Variants in EIF3H observed in about 807,000 individuals in gnomAD.
EIF3H encodes eukaryotic translation initiation factor 3 subunit H, also known as eIF-3-gamma.
EIF3H carries 26 observed loss-of-function variants against 44.2 expected under a neutral mutation model. The observed-to-expected ratio is 0.59, with a 90% CI of 0.43 to 0.82. The LOEUF (loss-of-function observed/expected upper bound fraction) is 0.82. Ranked by LOEUF, EIF3H falls within the 40% of genes least tolerant of loss-of-function variation. EIF3H has a pLI of 0.00. For synonymous variants in EIF3H, 166 were observed against 151.9 expected, an observed-to-expected ratio of 1.09 and a Z score of -0.68; for missense variants, 359 against 432.8, an observed-to-expected ratio of 0.83 and a Z score of 1.51.
In EIF3H at chr8:116,755,590, TAGAA is replaced by T. The variant is rs531297043; in HGVS notation, c.132+72_132+75del. On this transcript the variant is annotated intron_variant, in intron 1 of 7. Coordinates refer to ENST00000521861, the MANE Select transcript of EIF3H (RefSeq NM_003756.3). The stretch of plus-strand genomic sequence containing the variant: ...ACACCAAGCCCAAGGGGGAGAATGC[TAGAA>T]AGTACGTCTGGTGGGACGGGGCTGG... 266 of 1,594,682 alleles carry T rather than the reference TAGAA, an allele frequency of 1.7e-4. No individual in the cohort carries two copies. In the East Asian group the frequency reaches 5.7e-3, roughly 34 times the overall value.
chr8:116,734,473 G>A (rs1246579476), intron 1 of EIF3H: 2 of 440,538 alleles, frequency 4.5e-6, no homozygotes, highest in South Asian at 1.6e-5. Flanking sequence ...GCCTCTAGAT[G>A]GATAAGCACT....
At chr8:116,751,914 GA>G (rs1815350674) in intron 1 of EIF3H, among the ~76,000 whole-genome samples, 1 of 152,144 alleles carries the variant, frequency 6.6e-6, no homozygotes, top group African/African-American at 2.4e-5. Flanking sequence ...TCAGAGCTGG[GA>G]TTCAAATCCA....
chr8:116,677,235 AGAT>A (rs1178991747), intron 2 of EIF3H, among the ~76,000 whole-genome samples: 6 of 152,246 alleles, frequency 3.9e-5, no homozygotes, highest in African/African-American at 1.4e-4. Flanking sequence ...ATAATATGTT[AGAT>A]GATGTTTAAA....
intron 1 of EIF3H, among the ~76,000 whole-genome samples, chr8:116,732,492 G>T (rs764364620): frequency 1.3e-5 from 2 of 152,086 alleles, no homozygotes; most frequent in Non-Finnish European, 2.9e-5. Context: ...TCCATGACAG[G>T]GAACAGTTCA....
intron 2 of EIF3H, among the ~76,000 whole-genome samples, chr8:116,713,194 T>A (rs1190060446): frequency 2.6e-5 from 4 of 152,098 alleles, no homozygotes; most frequent in Non-Finnish European, 4.4e-5. Flanking sequence ...TGGGGAAACT[T>A]AGGAATTTTA....
intron 1 of EIF3H, among the ~76,000 whole-genome samples, chr8:116,727,604 G>T (rs1307669031): frequency 6.6e-6 from 1 of 152,188 alleles, no homozygotes; most frequent in East Asian, 1.9e-4. Flanking sequence ...GGGTTTGACT[G>T]TCCTGAGTGT....
intron 1 of EIF3H, among the ~76,000 whole-genome samples, chr8:116,755,464 C>T (rs1466218534): frequency 6.6e-6 from 1 of 152,190 alleles, no homozygotes; most frequent in Non-Finnish European, 1.5e-5. Context: ...CTTCCTGAAG[C>T]CCCAACTGTC....
intron 2 of EIF3H, among the ~76,000 whole-genome samples, chr8:116,724,351 C>CA (rs1166296764): frequency 3.3e-5 from 5 of 151,922 alleles, no homozygotes; most frequent in Non-Finnish European, 1.5e-5. Flanking sequence ...AACTTCCTAC[C>CA]AAAAAACAGA....
At chr8:116,739,089 T>G (rs1815087590) in intron 1 of EIF3H, among the ~76,000 whole-genome samples, 1 of 152,196 alleles carries the variant, frequency 6.6e-6, no homozygotes. Flanking sequence ...GTCAGTTTAC[T>G]GGAATAAGAG....
At chr8:116,764,281 A>C (rs766372895) in intron 1 of EIF3H, among the ~76,000 whole-genome samples, 20 of 152,244 alleles carry the variant, frequency 1.3e-4, no homozygotes, top group Non-Finnish European at 2.1e-4. Context: ...CATAACTTTC[A>C]AAATAAAATT....
At chr8:116,721,373 C>A (rs529469323) in intron 2 of EIF3H, among the ~76,000 whole-genome samples, 22 of 152,346 alleles carry the variant, frequency 1.4e-4, no homozygotes, top group African/African-American at 5.3e-4. Flanking sequence ...GCACATCAGG[C>A]AGAAGTTTGC....
In EIF3H at chr8:116,726,044, G is replaced by A; in HGVS notation, c.261C>T (p.His87=). The A allele has an allele frequency of 1.2e-6, 2 of 1,613,984 alleles. No individual in the cohort carries two copies. The highest frequency in any genetic ancestry group is 1.7e-6 in the Non-Finnish European group (2 of 1,179,944). The change falls in exon 2 of 8, where the codon CAC becomes CAT. Residue 87 remains histidine (H), a synonymous_variant. Coordinates refer to ENST00000521861, the MANE Select transcript of EIF3H (RefSeq NM_003756.3). The part of the protein sequence containing the change: ...EITNCFPFPQ[H]TEDDADFDEV... The stretch of plus-strand genomic sequence containing the variant: ...CATCAAAGTCAGCATCATCCTCTGT[G>A]TGCTGAGGGAAAGGAAAGCAGTTGG...
intron 1 of EIF3H, among the ~76,000 whole-genome samples, chr8:116,761,043 T>C (rs1225414457): frequency 6.6e-6 from 1 of 152,206 alleles, no homozygotes; most frequent in Non-Finnish European, 1.5e-5. Context: ...CTCTATCAGT[T>C]TGAATAATAA....
chr8:116,679,259 C>G (rs1813919608), intron 2 of EIF3H, among the ~76,000 whole-genome samples: 1 of 47,672 alleles, frequency 2.1e-5, no homozygotes, highest in African/African-American at 5.8e-5. Context: ...TGAGGAGCCC[C>G]TCTGCCCGGC....
At chr8:116,698,146 G>A (rs973276495) in intron 2 of EIF3H, among the ~76,000 whole-genome samples, 5 of 152,104 alleles carry the variant, frequency 3.3e-5, no homozygotes, top group African/African-American at 4.8e-5. Flanking sequence ...TGGCTACTAG[G>A]TAGCTACAAT....
Position 116,748,166 on chromosome 8 carries a change from A to C in EIF3H, c.132+7500T>G, listed in dbSNP as rs374728709. On this transcript the variant is annotated intron_variant, in intron 1 of 7. Coordinates refer to ENST00000521861, the MANE Select transcript of EIF3H (RefSeq NM_003756.3). ...AAACTCTGTCTCAAAAACAAAAAAAAAAACAAAAACAAAACAAAACAAAAT... is the reference window on the plus strand; with the variant it reads ...AAACTCTGTCTCAAAAACAAAAAAACAAACAAAAACAAAACAAAACAAAAT... 6.3e-3 allele frequency among the ~76,000 whole-genome samples: 955 copies of C among 151,960 alleles called. 13 individuals carry two copies. The highest frequency in any genetic ancestry group is 0.022 in the African/African-American group (903 of 41,370).
At chr8:116,715,450 T>C (rs1814646812) in intron 2 of EIF3H, among the ~76,000 whole-genome samples, 1 of 152,070 alleles carries the variant, frequency 6.6e-6, no homozygotes, top group Non-Finnish European at 1.5e-5. Flanking sequence ...TAAAAAGATA[T>C]TATTTTAATT....
chr8:116,674,634 T>C (rs144347642), intron 2 of EIF3H, among the ~76,000 whole-genome samples: 72 of 152,360 alleles, frequency 4.7e-4, no homozygotes, highest in Non-Finnish European at 8.2e-4. Flanking sequence ...CGAGCCTGAA[T>C]ATCTAGTAAT....
At chr8:116,752,714 A>AAGAG (rs1554603828) in intron 1 of EIF3H, among the ~76,000 whole-genome samples, 2 of 133,448 alleles carry the variant, frequency 1.5e-5, no homozygotes, top group East Asian at 4.6e-4. Context: ...GAAAGAAAGA[A>AAGAG]AGAAAGAAAG....
Sources: gnomAD v4.1 joint callset for allele counts (sites outside exome capture counted in the v4.1 genomes callset) on GRCh38, gnomAD v4.1.1 for gene constraint, MANE v1.5 for transcripts, NCBI Gene and HGNC (gene_info 2026-07-23, HGNC 2026-07-21) for gene names.